Variants in FAT3 observed in about 807,000 individuals in gnomAD.
The protein encoded by FAT3 is protocadherin Fat 3.
In FAT3, 95 loss-of-function variants were observed where a neutral mutation model predicts 310.2. The observed-to-expected ratio is 0.31, with a 90% CI of 0.26 to 0.36. The LOEUF is 0.36. Ranked by LOEUF, FAT3 falls within the 10% of genes least tolerant of loss-of-function variation. FAT3 has a pLI of 1.00. For missense variants in FAT3, 5,408 were observed against 5,715.6 expected, an observed-to-expected ratio of 0.95 and a Z score of 1.74; for synonymous variants, 2,314 against 2,192.9, an observed-to-expected ratio of 1.06 and a Z score of -1.54.
intron 3 of FAT3, among the ~76,000 whole-genome samples, chr11:92,647,643 G>A (rs2135746687): frequency 6.6e-6 from 1 of 152,118 alleles, no homozygotes; most frequent in African/African-American, 2.4e-5. Flanking sequence ...TTCTACCAGG[G>A]GCTCTGGGAG....
chr11:92,725,359 T>C (rs991695594), intron 4 of FAT3, among the ~76,000 whole-genome samples: 2 of 152,138 alleles, frequency 1.3e-5, no homozygotes, highest in East Asian at 3.9e-4. Flanking sequence ...TTAAAAATTG[T>C]GACAGTTCAA....
At chr11:92,827,732 C>T (rs182719402) in intron 13 of FAT3, among the ~76,000 whole-genome samples, 1 of 152,288 alleles carries the variant, frequency 6.6e-6, no homozygotes, top group African/African-American at 2.4e-5. Flanking sequence ...ACAGCCTTCC[C>T]TACTAGGAAT....
At chr11:92,370,517 G>A (rs1022171598) in intron 2 of FAT3, among the ~76,000 whole-genome samples, 3 of 152,068 alleles carry the variant, frequency 2.0e-5, no homozygotes, top group African/African-American at 7.2e-5. Flanking sequence ...TACACCTTGA[G>A]GATACTTCTA....
At chr11:92,303,870 A>G (rs536108097) in intron 1 of FAT3, among the ~76,000 whole-genome samples, 4 of 152,238 alleles carry the variant, frequency 2.6e-5, no homozygotes, top group Non-Finnish European at 5.9e-5. Flanking sequence ...TTGACTGCCT[A>G]TTCAAATGTA....
chr11:92,303,431 G>T (rs1947047334), intron 1 of FAT3, among the ~76,000 whole-genome samples: 2 of 152,020 alleles, frequency 1.3e-5, no homozygotes, highest in African/African-American at 4.8e-5. Context: ...ATTTTAGAAG[G>T]TTCAGATCAG....
chr11:92,309,055 A>G (rs955575990), intron 1 of FAT3, among the ~76,000 whole-genome samples: 23 of 152,206 alleles, frequency 1.5e-4, no homozygotes, highest in Middle Eastern at 3.4e-3. Flanking sequence ...AATGAAATCC[A>G]GGAGCCCACC....
chr11:92,847,368 G>A (rs1483063934), intron 19 of FAT3, among the ~76,000 whole-genome samples: 1 of 152,186 alleles, frequency 6.6e-6, no homozygotes. Flanking sequence ...GTACCATATA[G>A]CCTGGGTGCA....
chr11:92,345,637 G>A (rs1031286880), intron 1 of FAT3, among the ~76,000 whole-genome samples: 3 of 152,154 alleles, frequency 2.0e-5, no homozygotes, highest in South Asian at 2.1e-4. Flanking sequence ...TTTGAATGGG[G>A]AATCTCCAAA....
At chr11:92,828,675 T>C (rs1948160746) in intron 13 of FAT3, among the ~76,000 whole-genome samples, 1 of 152,110 alleles carries the variant, frequency 6.6e-6, no homozygotes, top group Non-Finnish European at 1.5e-5. Context: ...AACCCTGTCA[T>C]GGAGTTAAAA....
At chr11:92,335,403 TG>T (rs1236798754) in intron 1 of FAT3, among the ~76,000 whole-genome samples, 5 of 152,130 alleles carry the variant, frequency 3.3e-5, no homozygotes, top group Non-Finnish European at 7.3e-5. Context: ...GGTGATGTAT[TG>T]TAATTATTAT....
At chr11:92,802,642 G>A (rs1012988268) in intron 10 of FAT3, among the ~76,000 whole-genome samples, 14 of 152,130 alleles carry the variant, frequency 9.2e-5, no homozygotes, top group African/African-American at 3.4e-4. Flanking sequence ...GGTTGACAGT[G>A]TGGGAAGGTT....
chr11:92,227,271 G>A (rs1279548609), intron 1 of FAT3, among the ~76,000 whole-genome samples: 1 of 152,194 alleles, frequency 6.6e-6, no homozygotes, highest in East Asian at 1.9e-4. Flanking sequence ...GGCGAGTCCG[G>A]GGTAGTGGGA....
chr11:92,604,148 T>C (rs1257775923), intron 3 of FAT3, among the ~76,000 whole-genome samples: 2 of 152,214 alleles, frequency 1.3e-5, no homozygotes, highest in Admixed American at 6.5e-5. Flanking sequence ...TAATTAGTTT[T>C]CTGTATTACC....
intron 7 of FAT3, among the ~76,000 whole-genome samples, chr11:92,775,190 TGAA>T (rs1413014263): frequency 6.6e-6 from 1 of 152,118 alleles, no homozygotes; most frequent in African/African-American, 2.4e-5. Flanking sequence ...CTTCAGGTGG[TGAA>T]GGTGAAATTT....
chr11:92,664,853 A>G (rs747837916), intron 3 of FAT3, among the ~76,000 whole-genome samples: 11 of 152,114 alleles, frequency 7.2e-5, no homozygotes, highest in Admixed American at 1.3e-4. Context: ...CTCACTTTCT[A>G]TTTAGTGCTT....
rs1327147185 is a variant in FAT3, at chr11:92,896,338, A to T, written c.*5225A>T. 1 of 151,798 alleles carries T rather than the reference A, an allele frequency of 6.6e-6. No individual in the cohort carries two copies. Among genetic ancestry groups the T allele is most frequent in the Non-Finnish European group, 1.5e-5 (1 of 67,968 alleles). 9.4% of individuals were successfully genotyped at this position (151,798 alleles called of 1,614,324 possible). The stretch of plus-strand genomic sequence containing the variant: ...AAGAAAAGAAAAGAAAAAAAAAACA[A>T]AAGCAAACAAAAAAAAAGACAGCCA... On this transcript the variant is annotated 3_prime_UTR_variant, in exon 28 of 28. Coordinates refer to ENST00000525166, the MANE Select transcript of FAT3 (RefSeq NM_001367949.2).
At chr11:92,377,326 G>C (rs11827665) in intron 2 of FAT3, among the ~76,000 whole-genome samples, 2 of 152,008 alleles carry the variant, frequency 1.3e-5, no homozygotes, top group African/African-American at 4.8e-5. Context: ...GGATACTGAG[G>C]TGTGGGATAA....
chr11:92,869,242 C>T (rs1042136148), intron 22 of FAT3, among the ~76,000 whole-genome samples: 6 of 152,238 alleles, frequency 3.9e-5, no homozygotes, highest in Admixed American at 3.3e-4. Context: ...TTCTCTGTTC[C>T]GTTGAGGGAG....
chr11:92,315,496 TATATATATATATATATAGAGAG>T (rs1947422856), intron 1 of FAT3, among the ~76,000 whole-genome samples: 2 of 89,846 alleles, frequency 2.2e-5, no homozygotes, highest in Admixed American at 1.3e-4. Context: ...TATATATATA[TATATATATATATATATAGAGAG>T]AGAGAGAGAG....
Sources: allele counts gnomAD v4.1 joint callset (sites outside exome capture counted in the v4.1 genomes callset), GRCh38; gene constraint gnomAD v4.1.1; transcripts MANE v1.5; gene names NCBI Gene and HGNC (gene_info 2026-07-23, HGNC 2026-07-21).